The following PLEKHA7 variants were observed in gnomAD, a reference collection of about 807,000 sequenced individuals.
PLEKHA7 encodes pleckstrin homology domain-containing family A member 7.
In PLEKHA7, 104 loss-of-function variants were observed where a neutral mutation model predicts 170.0. The ratio of observed to expected loss-of-function variants is 0.61; its 90% CI spans 0.52 to 0.72. The LOEUF (loss-of-function observed/expected upper bound fraction) is 0.72. Among genes scored for constraint, PLEKHA7 ranks in the 30% least tolerant of loss-of-function variants. The pLI is 0.00. For missense variants in PLEKHA7, 1,615 were observed against 1,671.7 expected (o/e 0.97, Z 0.59); for synonymous variants, 648 against 660.8 (o/e 0.98, Z 0.30).
intron 4 of PLEKHA7, 35 bp from the exon 5 acceptor site, chr11:16,855,949 C>T (rs1334604706): frequency 1.4e-5 from 22 of 1,547,148 alleles, no homozygotes; most frequent in African/African-American, 2.7e-5. Context: ...TGAGTAAAAG[C>T]CGAGCTATAG....
rs151027403 is a variant in PLEKHA7, at chr11:16,915,366, T to C, written c.222-44184A>G. On this transcript the variant is annotated intron_variant, in intron 3 of 26. Transcript: ENST00000531066. ...GCCAAGTGGACTTTTTTATTTTTAA[T>C]TTATTATTATTATACTTTAAGTTTT... Among the ~76,000 whole-genome samples, 259 of 152,248 alleles carry C rather than the reference T, an allele frequency of 1.7e-3. 2 individuals are homozygous for C. The highest frequency in any genetic ancestry group is 5.9e-3 in the African/African-American group (247 of 41,552).
chr11:16,837,061 T>C (rs1030456647), intron 9 of PLEKHA7, among the ~76,000 whole-genome samples: 28 of 152,164 alleles, frequency 1.8e-4, no homozygotes, highest in Admixed American at 1.6e-3. Context: ...TGACCTCAAG[T>C]TGTCCGCCTG....
Position 16,800,959 on chromosome 11 carries a change from C to A in PLEKHA7, c.2409+15G>T. The A allele has an allele frequency of 6.2e-7, 1 of 1,603,788 alleles. No individual in the cohort carries two copies. Among genetic ancestry groups the A allele is most frequent in the Non-Finnish European group, 8.5e-7 (1 of 1,170,688 alleles). ...AAAACAAGAGCTCAGAAGAGATGGA[C>A]AGGTATCAGGTCACCTGGAAAAAAA... On this transcript the variant is annotated intron_variant, in intron 17 of 26. Transcript: ENST00000531066.
At chr11:16,958,943 G>T (rs1861874529) in intron 3 of PLEKHA7, among the ~76,000 whole-genome samples, 1 of 152,052 alleles carries the variant, frequency 6.6e-6, no homozygotes, top group African/African-American at 2.4e-5. Flanking sequence ...GTACAGGCGG[G>T]TGGGGGGAAA....
At chr11:16,908,235 G>A (rs1590577996) in intron 3 of PLEKHA7, among the ~76,000 whole-genome samples, 1 of 123,044 alleles carries the variant, frequency 8.1e-6, no homozygotes, top group Middle Eastern at 4.6e-3. Flanking sequence ...CCCTCTGCGA[G>A]AAACACCCAA....
chr11:16,796,226 G>C (rs1848222459), intron 17 of PLEKHA7, among the ~76,000 whole-genome samples: 1 of 152,138 alleles, frequency 6.6e-6, no homozygotes. Flanking sequence ...AAGGACTAGA[G>C]TTTACACCAT....
At chr11:16,859,198 T>A (rs1166490706) in intron 4 of PLEKHA7, among the ~76,000 whole-genome samples, 8 of 152,240 alleles carry the variant, frequency 5.3e-5, no homozygotes, top group Non-Finnish European at 1.0e-4. Context: ...TGGCAGTCCC[T>A]GACCTGGCTC....
intron 3 of PLEKHA7, among the ~76,000 whole-genome samples, chr11:16,938,571 T>G (rs2136385348): frequency 6.6e-6 from 1 of 152,288 alleles, no homozygotes; most frequent in Non-Finnish European, 1.5e-5. Context: ...CTTTATACCT[T>G]TGAAAGGCAT....
chr11:16,933,274 T>A (rs1286714388), intron 3 of PLEKHA7, among the ~76,000 whole-genome samples: 1 of 152,236 alleles, frequency 6.6e-6, no homozygotes, highest in Non-Finnish European at 1.5e-5. Context: ...AACTTGCCTA[T>A]CACAGTAAGT....
At chr11:16,993,995 G>C (rs943580225) in intron 3 of PLEKHA7, among the ~76,000 whole-genome samples, 5 of 152,196 alleles carry the variant, frequency 3.3e-5, no homozygotes, top group Non-Finnish European at 7.3e-5. Context: ...AAACTGTGGG[G>C]AACACAAGCT....
chr11:16,892,204 C>T (rs1379608620), intron 3 of PLEKHA7, among the ~76,000 whole-genome samples: 3 of 152,156 alleles, frequency 2.0e-5, no homozygotes, highest in Non-Finnish European at 1.5e-5. Flanking sequence ...CCATAAAATG[C>T]ATCATTTGAC....
chr11:16,796,823 T>C (rs1457327401), intron 17 of PLEKHA7, among the ~76,000 whole-genome samples: 1 of 151,858 alleles, frequency 6.6e-6, no homozygotes, highest in African/African-American at 2.4e-5. Flanking sequence ...GCCTGGCTAG[T>C]TTTTCTTTTT....
chr11:16,816,332 C>G, intron 11 of PLEKHA7, 68 bp from the exon 12 acceptor site: 1 of 1,128,268 alleles, frequency 8.9e-7, no homozygotes, highest in Non-Finnish European at 1.3e-6. Context: ...AGGGAAGCCG[C>G]CCCATGCCAT....
In PLEKHA7 at chr11:16,851,215, G is replaced by T. The variant is rs1039726676; in HGVS notation, c.672C>A (p.Arg224=). The change falls in exon 8 of 27, where the codon CGC becomes CGA. Residue 224 remains arginine (R), a synonymous_variant. Coordinates refer to ENST00000531066, the MANE Select transcript of PLEKHA7 (RefSeq NM_001329630.2). ...CCTTAAAGGAATATTTGCGGCTTAT[G>T]CGATCCTCAGGGGCCACAGGAGAGA... ...YVISPVAPED[R]ISRKYSFKAV... is the part of the protein sequence containing the mutation. The T allele has an allele frequency of 6.2e-7, 1 of 1,610,198 alleles. No individual in the cohort carries two copies. The highest frequency in any genetic ancestry group is 1.3e-5 in the African/African-American group (1 of 74,822).
chr11:16,819,752 C>T (rs998309559), intron 10 of PLEKHA7, among the ~76,000 whole-genome samples: 1 of 152,068 alleles, frequency 6.6e-6, no homozygotes, highest in African/African-American at 2.4e-5. Flanking sequence ...AAAGGTCAAA[C>T]TCATAGAAGA....
Position 16,795,032 on chromosome 11 carries a change from A to C in PLEKHA7, c.2410-14T>G, listed in dbSNP as rs1243477544. The C allele has an allele frequency of 6.3e-7, 1 of 1,586,358 alleles. No individual in the cohort carries two copies. The highest frequency in any genetic ancestry group is 1.3e-5 in the African/African-American group (1 of 74,284). ...CTGCGATTTCTCCTGAGGAAGACGA[A>C]GTGGTGGGTTTGCCTTCTTAGCTCC... On this transcript the variant is annotated splice_polypyrimidine_tract_variant and intron_variant, in intron 17 of 26. Transcript: ENST00000531066.
chr11:16,999,249 C>T (rs1222824855), intron 3 of PLEKHA7, among the ~76,000 whole-genome samples: 1 of 151,980 alleles, frequency 6.6e-6, no homozygotes, highest in African/African-American at 2.4e-5. Context: ...CAGAGGAAGC[C>T]TTCCCACTTC....
At chr11:16,813,393 C>G (rs138445056) in intron 12 of PLEKHA7, 13 of 440,442 alleles carry the variant, frequency 3.0e-5, no homozygotes, top group Non-Finnish European at 5.5e-5. Context: ...TCAGCTTGTC[C>G]CCCACTGGCT....
At chr11:16,951,977 T>C (rs1861432140) in intron 3 of PLEKHA7, among the ~76,000 whole-genome samples, 1 of 152,180 alleles carries the variant, frequency 6.6e-6, no homozygotes, top group East Asian at 1.9e-4. Flanking sequence ...ACCTGTGAGG[T>C]ATCACACAGC....
Sources: allele counts gnomAD v4.1 joint callset (sites outside exome capture counted in the v4.1 genomes callset), GRCh38; gene constraint gnomAD v4.1.1; transcripts MANE v1.5; gene names NCBI Gene and HGNC (gene_info 2026-07-23, HGNC 2026-07-21).